CCDC171: variants seen among roughly 807,000 people sequenced by gnomAD.
CCDC171 encodes coiled-coil domain containing 171.
Under a neutral mutation model 168.2 loss-of-function variants are expected in CCDC171, and 177 were observed. The ratio of observed to expected loss-of-function variants is 1.05; its 90% CI spans 0.93 to 1.19. The LOEUF (loss-of-function observed/expected upper bound fraction) is 1.19, where lower values mean the gene tolerates loss of function less well. Among genes scored for constraint, CCDC171 ranks in the 50% most tolerant of loss-of-function variants. The pLI, the probability that CCDC171 is intolerant of heterozygous loss-of-function variation, is 0.00. For synonymous variants in CCDC171, 687 were observed against 540.8 expected (o/e 1.27, Z -3.75); for missense variants, 1,991 against 1,539.0 (o/e 1.29, Z -4.91).
intron 25 of CCDC171, among the ~76,000 whole-genome samples, chr9:15,970,290 CTT>C (rs771567657): frequency 5.9e-5 from 9 of 152,104 alleles, no homozygotes; most frequent in Non-Finnish European, 1.2e-4. Context: ...AAGCTTCCCT[CTT>C]GTTTTTACAT....
chr9:15,596,173 C>G (rs961600036), intron 6 of CCDC171, among the ~76,000 whole-genome samples: 63 of 152,108 alleles, frequency 4.1e-4, no homozygotes, highest in Non-Finnish European at 8.1e-4. Flanking sequence ...TCAATTTTGG[C>G]TTTTGTTGCC....
At chr9:15,708,085 T>A (rs1033103859) in intron 11 of CCDC171, among the ~76,000 whole-genome samples, 1 of 152,210 alleles carries the variant, frequency 6.6e-6, no homozygotes, top group Admixed American at 6.5e-5. Context: ...TGACTTCAGG[T>A]GATCTGCCCG....
chr9:15,857,956 CAT>C (rs1158023811), intron 23 of CCDC171, among the ~76,000 whole-genome samples: 1 of 151,298 alleles, frequency 6.6e-6, no homozygotes. Context: ...TGTATATATG[CAT>C]ATGTGTGTAT....
intron 4 of CCDC171, chr9:15,588,498 G>T: frequency 3.1e-6 from 1 of 318,076 alleles, no homozygotes; most frequent in East Asian, 9.3e-5. Context: ...AAAGAAGGGA[G>T]AAAAGGTACC....
intron 7 of CCDC171, among the ~76,000 whole-genome samples, chr9:15,627,406 T>C (rs1189574610): frequency 6.6e-6 from 1 of 152,212 alleles, no homozygotes; most frequent in Non-Finnish European, 1.5e-5. Flanking sequence ...TTAATTGTGA[T>C]GTTAGGGTGT....
chr9:16,070,711 C>T, the CCDC171 span, among the ~76,000 whole-genome samples: 2 of 152,188 alleles, frequency 1.3e-5, no homozygotes, highest in African/African-American at 4.8e-5. Flanking sequence ...CCTCTATGGC[C>T]TCTATTTTGG....
intron 18 of CCDC171, among the ~76,000 whole-genome samples, chr9:15,773,150 G>A (rs2057102057): frequency 6.6e-6 from 1 of 152,194 alleles, no homozygotes. Flanking sequence ...AAGAAAAAAT[G>A]TTGTAGATTG....
At chr9:16,079,051 C>T in the CCDC171 span, among the ~76,000 whole-genome samples, 20 of 152,314 alleles carry the variant, frequency 1.3e-4, 1 homozygote, top group African/African-American at 4.8e-4. Context: ...CTGCTCTAAC[C>T]TATAAGGCCA....
intron 11 of CCDC171, among the ~76,000 whole-genome samples, chr9:15,710,297 G>GTCTC (rs59946349): frequency 1.7e-3 from 249 of 149,954 alleles, no homozygotes; most frequent in African/African-American, 5.1e-3. Flanking sequence ...CTCCTCTTCT[G>GTCTC]TCTCTCTCTC....
At chr9:15,796,855 C>T (rs559652150) in intron 21 of CCDC171, among the ~76,000 whole-genome samples, 1 of 152,284 alleles carries the variant, frequency 6.6e-6, no homozygotes, top group Non-Finnish European at 1.5e-5. Context: ...ACAGATTCCC[C>T]TATAGCAGAC....
At chr9:16,052,888 T>C (rs771476877) in intron 1 of CCDC171, among the ~76,000 whole-genome samples, 9 of 151,088 alleles carry the variant, frequency 6.0e-5, no homozygotes, top group Non-Finnish European at 1.2e-4. Context: ...GGAATGTGAG[T>C]CTTTCCAGAT....
rs745338817 is a variant in CCDC171, at chr9:15,564,134, G to A, written c.41+5G>A. 1.9e-6 allele frequency: 3 copies of A among 1,603,006 alleles called. No individual in the cohort carries two copies. Among genetic ancestry groups the A allele is most frequent in the Non-Finnish European group, 8.5e-7 (1 of 1,174,012 alleles). ...TAATACTGGTGATACCCAAAGGTAA[G>A]CCTCTAGTCTCTTCTTTTAGTTGAT... On this transcript the variant is annotated splice_donor_5th_base_variant and intron_variant, in intron 2 of 25. Coordinates refer to ENST00000380701, the MANE Select transcript of CCDC171 (RefSeq NM_173550.4).
intron 25 of CCDC171, among the ~76,000 whole-genome samples, chr9:15,949,126 T>C (rs1027061767): frequency 2.4e-4 from 36 of 152,102 alleles, no homozygotes; most frequent in African/African-American, 8.7e-4. Flanking sequence ...AAAGATCAGA[T>C]AGTTGTAGAT....
Position 15,795,863 on chromosome 9 carries a change from G to C in CCDC171, c.3267+11169G>C, listed in dbSNP as rs182141398. On this transcript the variant is annotated intron_variant, in intron 21 of 25. Coordinates refer to ENST00000380701, the MANE Select transcript of CCDC171 (RefSeq NM_173550.4). ...TTAGTTTACACCTTAATGATCCAAG[G>C]ACTCTTTAGTTGAGATTTAATCTTT... is the stretch of plus-strand genomic sequence containing the variant. Among the ~76,000 whole-genome samples the C allele has an allele frequency of 1.8e-3, 278 of 152,300 alleles. 1 individual carries two copies. The highest frequency in any genetic ancestry group is 3.9e-3 in the Admixed American group (60 of 15,292).
intron 6 of CCDC171, among the ~76,000 whole-genome samples, chr9:15,614,096 G>C (rs964241253): frequency 1.3e-4 from 20 of 152,212 alleles, no homozygotes; most frequent in African/African-American, 4.8e-4. Context: ...CTCTGCCTTA[G>C]CCTTTGCTTC....
intron 1 of CCDC171, among the ~76,000 whole-genome samples, chr9:15,554,131 TG>T (rs2038580285): frequency 6.6e-6 from 1 of 152,000 alleles, no homozygotes; most frequent in African/African-American, 2.4e-5. Context: ...GCCATTCTCC[TG>T]TCTCAGCCTC....
intron 11 of CCDC171, among the ~76,000 whole-genome samples, chr9:15,719,445 A>AGAGG (rs1554776019): frequency 0.033 from 2,053 of 62,396 alleles, 114 homozygotes; most frequent in African/African-American, 0.041. Context: ...AGAGAGAGAG[A>AGAGG]GAAAGTTTAT....
intron 24 of CCDC171, among the ~76,000 whole-genome samples, chr9:15,887,315 T>C (rs1286056551): frequency 6.6e-6 from 1 of 152,120 alleles, no homozygotes; most frequent in African/African-American, 2.4e-5. Flanking sequence ...AAATGTAGAG[T>C]AATTTTAGAA....
the CCDC171 span, among the ~76,000 whole-genome samples, chr9:16,068,700 C>T: frequency 1.3e-5 from 2 of 152,026 alleles, no homozygotes; most frequent in Non-Finnish European, 2.9e-5. Context: ...ACGCAGTCAA[C>T]ATTGTACAGA....
Sources: allele counts gnomAD v4.1 joint callset (sites outside exome capture counted in the v4.1 genomes callset), GRCh38; gene constraint gnomAD v4.1.1; transcripts MANE v1.5; gene names NCBI Gene and HGNC (gene_info 2026-07-23, HGNC 2026-07-21).